LRP1B: variants seen among roughly 807,000 people sequenced by gnomAD.
LRP1B encodes low-density lipoprotein receptor-related protein 1B.
A neutral mutation model predicts 556.6 loss-of-function variants in LRP1B; 217 were observed. The observed-to-expected ratio is 0.39, with a 90% CI of 0.35 to 0.44. The LOEUF (loss-of-function observed/expected upper bound fraction) is 0.44. Among genes scored for constraint, LRP1B ranks in the 20% least tolerant of loss-of-function variants. The probability of loss-of-function intolerance (pLI) is 1.00; values close to 1 mark genes in which losing one functional copy is unlikely to be tolerated. For synonymous variants in LRP1B, 2,047 were observed against 1,865.8 expected (o/e 1.10, Z -2.50); for missense variants, 5,053 against 5,620.8 (o/e 0.90, Z 3.23).
intron 1 of LRP1B, among the ~76,000 whole-genome samples, chr2:142,112,032 G>T (rs1338538104): frequency 6.6e-6 from 1 of 151,980 alleles, no homozygotes; most frequent in African/African-American, 2.4e-5. Context: ...CAAAGCAGAA[G>T]CTGCAAAGCA....
intron 2 of LRP1B, among the ~76,000 whole-genome samples, chr2:141,731,957 A>G (rs957530362): frequency 2.6e-5 from 4 of 152,072 alleles, no homozygotes; most frequent in African/African-American, 9.7e-5. Context: ...TCTAATTCAT[A>G]TGACACCACT....
intron 1 of LRP1B, among the ~76,000 whole-genome samples, chr2:142,114,203 C>T (rs1431445849): frequency 6.6e-6 from 1 of 152,068 alleles, no homozygotes; most frequent in Non-Finnish European, 1.5e-5. Flanking sequence ...ACACAGATTT[C>T]CCTAAAAATG....
intron 2 of LRP1B, among the ~76,000 whole-genome samples, chr2:141,589,079 A>C (rs139032356): frequency 1.5e-3 from 221 of 152,298 alleles, no homozygotes; most frequent in African/African-American, 5.1e-3. Context: ...ATTACCCAAC[A>C]ACTATATTAT....
intron 2 of LRP1B, among the ~76,000 whole-genome samples, chr2:141,807,545 T>C (rs1696204746): frequency 6.6e-6 from 1 of 152,080 alleles, no homozygotes; most frequent in South Asian, 2.1e-4. Flanking sequence ...TCAAATGTTA[T>C]TGGAGAGGAA....
At chr2:140,974,487 C>A (rs7574802) in intron 18 of LRP1B, among the ~76,000 whole-genome samples, 145,865 of 152,238 alleles carry the variant, frequency 0.96, 70,185 homozygotes, top group Non-Finnish European at 1. Context: ...CTTATTTATA[C>A]TGTGAAAACT....
intron 47 of LRP1B, among the ~76,000 whole-genome samples, chr2:140,532,525 T>A (rs1690743431): frequency 6.6e-6 from 1 of 151,930 alleles, no homozygotes; most frequent in Admixed American, 6.6e-5. Flanking sequence ...GCATCCCGAG[T>A]AGCTGGGACT....
chr2:142,091,154 C>G (rs1172266159), intron 1 of LRP1B, among the ~76,000 whole-genome samples: 3 of 152,068 alleles, frequency 2.0e-5, no homozygotes, highest in South Asian at 2.1e-4. Flanking sequence ...GAAGACTGCT[C>G]ATCTTTAAAA....
chr2:140,300,913 T>C (rs1683793273), intron 83 of LRP1B, among the ~76,000 whole-genome samples: 2 of 152,114 alleles, frequency 1.3e-5, no homozygotes, highest in African/African-American at 4.8e-5. Flanking sequence ...ATTATTTCTA[T>C]TGAGTGAGAT....
intron 2 of LRP1B, among the ~76,000 whole-genome samples, chr2:141,545,908 A>G (rs1175544687): frequency 6.6e-6 from 1 of 152,180 alleles, no homozygotes; most frequent in African/African-American, 2.4e-5. Context: ...TTGATTTTAG[A>G]CTAGTGGAAC....
At chr2:140,954,719 A>G (rs190841540) in intron 18 of LRP1B, among the ~76,000 whole-genome samples, 3 of 152,198 alleles carry the variant, frequency 2.0e-5, no homozygotes, top group Admixed American at 6.5e-5. Flanking sequence ...ATGAGACATT[A>G]ACCTTCTGCC....
In LRP1B at chr2:140,886,766, A is replaced by G. The variant is rs201700930; in HGVS notation, c.3767-431T>C. ...CAGATCCATAGAGGAGAACTATCCA[A>G]CAACAAAGAAAAAGAGATCTGTGAA... On this transcript the variant is annotated intron_variant, in intron 23 of 90. Transcript: ENST00000389484. 1.3e-4 allele frequency among the ~76,000 whole-genome samples: 20 copies of G among 152,278 alleles called. No homozygotes were observed. In the East Asian group the frequency reaches 3.3e-3, roughly 25 times the overall value.
chr2:140,473,794 G>A (rs572172379), intron 60 of LRP1B, among the ~76,000 whole-genome samples: 447 of 151,812 alleles, frequency 2.9e-3, no homozygotes, highest in Non-Finnish European at 5.3e-3. Context: ...AAAATGAAAA[G>A]GTTTATAGTT....
chr2:141,309,056 A>G (rs1686709754), intron 3 of LRP1B, among the ~76,000 whole-genome samples: 1 of 152,222 alleles, frequency 6.6e-6, no homozygotes, highest in African/African-American at 2.4e-5. Context: ...TTTGTAGCAC[A>G]TTGAATTTTA....
chr2:140,872,826 T>A (rs1220326490), intron 25 of LRP1B, among the ~76,000 whole-genome samples: 1 of 151,932 alleles, frequency 6.6e-6, no homozygotes, highest in Non-Finnish European at 1.5e-5. Flanking sequence ...AAACAAGTTA[T>A]CATGAATCTG....
intron 41 of LRP1B, among the ~76,000 whole-genome samples, chr2:140,663,665 T>C (rs539132213): frequency 2.0e-5 from 3 of 152,290 alleles, no homozygotes; most frequent in African/African-American, 7.2e-5. Flanking sequence ...TCCCGACCAC[T>C]AAAACTTTCT....
chr2:141,674,833 A>G (rs1047875436), intron 2 of LRP1B, among the ~76,000 whole-genome samples: 2 of 152,042 alleles, frequency 1.3e-5, no homozygotes, highest in African/African-American at 4.8e-5. Context: ...TTGCTTTATC[A>G]AAGGACATGT....
At chr2:141,343,314 T>C (rs1008120255) in intron 3 of LRP1B, among the ~76,000 whole-genome samples, 2 of 152,204 alleles carry the variant, frequency 1.3e-5, no homozygotes, top group African/African-American at 4.8e-5. Context: ...CTTGAACTTA[T>C]GGAATACAGT....
chr2:140,683,894 T>A, intron 41 of LRP1B: 1 of 531,724 alleles, frequency 1.9e-6, no homozygotes, highest in Non-Finnish European at 3.4e-6. Context: ...GACTGAGGGG[T>A]CCATGCCGGG....
intron 79 of LRP1B, among the ~76,000 whole-genome samples, chr2:140,328,326 C>T (rs1188969972): frequency 6.6e-6 from 1 of 151,756 alleles, no homozygotes; most frequent in Admixed American, 6.6e-5. Context: ...GATAATGGAG[C>T]TAATTATGTA....
Sources: allele counts gnomAD v4.1 joint callset (sites outside exome capture counted in the v4.1 genomes callset), GRCh38; gene constraint gnomAD v4.1.1; transcripts MANE v1.5; gene names NCBI Gene and HGNC (gene_info 2026-07-23, HGNC 2026-07-21).